The following EHBP1 variants were observed in gnomAD, a reference collection of about 807,000 sequenced individuals.
EHBP1 encodes EH domain binding protein 1, also known as EH domain-binding protein 1.
A neutral mutation model predicts 144.0 loss-of-function variants in EHBP1; 55 were observed. The observed-to-expected ratio is 0.38, with a 90% CI of 0.31 to 0.48. EHBP1 has a LOEUF of 0.48. EHBP1 is among the 20% of genes least tolerant of loss of function. The pLI is 0.98. For synonymous variants in EHBP1, 469 were observed against 472.7 expected (o/e 0.99, Z 0.10); for missense variants, 1,200 against 1,364.2 (o/e 0.88, Z 1.90).
At chr2:62,681,221 G>A (rs369594411) in intron 1 of EHBP1, among the ~76,000 whole-genome samples, 4 of 150,248 alleles carry the variant, frequency 2.7e-5, no homozygotes, top group Admixed American at 6.6e-5. Context: ...CAGGAGAATC[G>A]CTTGAACCTG....
chr2:62,940,106 G>T, intron 10 of EHBP1: 1 of 428,420 alleles, frequency 2.3e-6, no homozygotes, highest in South Asian at 1.8e-5. Flanking sequence ...TGCCTACCAA[G>T]ACTTTGAGAA....
intron 5 of EHBP1, among the ~76,000 whole-genome samples, chr2:62,788,575 T>C (rs1488604229): frequency 3.3e-5 from 5 of 152,200 alleles, no homozygotes; most frequent in Non-Finnish European, 7.4e-5. Context: ...TTTAACTATA[T>C]ATTTTTCCTT....
At chr2:62,931,242 C>G (rs1303522079) in intron 10 of EHBP1, among the ~76,000 whole-genome samples, 3 of 152,170 alleles carry the variant, frequency 2.0e-5, no homozygotes, top group African/African-American at 7.2e-5. Flanking sequence ...CCAAAGAACA[C>G]ATACAGATAG....
intron 14 of EHBP1, among the ~76,000 whole-genome samples, chr2:62,958,180 C>T (rs1413350963): frequency 6.6e-6 from 1 of 152,114 alleles, no homozygotes; most frequent in Non-Finnish European, 1.5e-5. Flanking sequence ...GCTAAACATA[C>T]ACTTACATGA....
At position 62,677,776 on chromosome 2, in the gene EHBP1, T is replaced by C. The variant is rs1310305546; in HGVS notation, c.-296+3693T>C. ...TCCTGGCTTATTTCATTTAACATAA[T>C]GACCTCCAGTTCCAACCATGTTGTT... On this transcript the variant is annotated intron_variant, in intron 1 of 22. Transcript: ENST00000405015. 3.3e-5 allele frequency among the ~76,000 whole-genome samples: 5 copies of C among 152,228 alleles called. No homozygotes were observed. The East Asian group carries it at 9.6e-4, about 29-fold the overall frequency.
At chr2:62,826,879 C>T (rs781484550) in intron 6 of EHBP1, among the ~76,000 whole-genome samples, 2 of 151,850 alleles carry the variant, frequency 1.3e-5, no homozygotes, top group Admixed American at 6.6e-5. Flanking sequence ...ACCTACAAAG[C>T]GGGGAAAAAA....
chr2:62,992,798 G>C (rs2059465653), intron 16 of EHBP1, among the ~76,000 whole-genome samples: 1 of 152,178 alleles, frequency 6.6e-6, no homozygotes, highest in Non-Finnish European at 1.5e-5. Context: ...TTGATAACCA[G>C]TTTCAGCATT....
intron 9 of EHBP1, among the ~76,000 whole-genome samples, chr2:62,874,007 A>G (rs1175235975): frequency 6.6e-6 from 1 of 152,130 alleles, no homozygotes; most frequent in African/African-American, 2.4e-5. Context: ...TCAAATTGAC[A>G]TTTTTTACAT....
chr2:62,930,351 A>G (rs2055885843), intron 10 of EHBP1, among the ~76,000 whole-genome samples: 2 of 152,356 alleles, frequency 1.3e-5, no homozygotes, highest in Admixed American at 6.5e-5. Flanking sequence ...ACTGAAAACT[A>G]TAAAACATTT....
chr2:62,719,858 A>G (rs2036048085), intron 2 of EHBP1, among the ~76,000 whole-genome samples: 1 of 152,240 alleles, frequency 6.6e-6, no homozygotes, highest in Non-Finnish European at 1.5e-5. Context: ...TGGTATCCTC[A>G]GGAGGTCCTG....
rs1410880838 is a variant in EHBP1, at chr2:63,031,481, T to C, written c.3104-6054T>C. On this transcript the variant is annotated intron_variant, in intron 19 of 22. Transcript: ENST00000431489. ...TGTACCTTAAAAAATAAATACAGCT[T>C]TGGAGTTCTGAGTGTTTTAACTTTA... 2.0e-5 allele frequency among the ~76,000 whole-genome samples: 3 copies of C among 152,222 alleles called. No homozygotes were observed. In the East Asian group the frequency reaches 5.8e-4, roughly 29 times the overall value.
chr2:62,835,906 G>C (rs1324928612), intron 7 of EHBP1, among the ~76,000 whole-genome samples: 1 of 152,142 alleles, frequency 6.6e-6, no homozygotes, highest in African/African-American at 2.4e-5. Context: ...GTGGCAGCGA[G>C]GCTGGGGGAG....
intron 14 of EHBP1, among the ~76,000 whole-genome samples, chr2:62,959,151 A>G (rs571371703): frequency 6.6e-6 from 1 of 152,318 alleles, no homozygotes; most frequent in Admixed American, 6.5e-5. Context: ...TAACTGGCTT[A>G]TTTCACTTAG....
At chr2:62,730,648 CAG>C (rs1196368295) in intron 2 of EHBP1, among the ~76,000 whole-genome samples, 4 of 148,920 alleles carry the variant, frequency 2.7e-5, no homozygotes, top group East Asian at 4.0e-4. Flanking sequence ...GAGACAGAGA[CAG>C]AGAGAGATAG....
chr2:62,785,562 A>G (rs541681780), intron 5 of EHBP1, among the ~76,000 whole-genome samples: 147 of 152,312 alleles, frequency 9.7e-4, no homozygotes, highest in Non-Finnish European at 1.8e-3. Context: ...AGAGAACACA[A>G]AGGAAGAATT....
At chr2:62,688,993 T>A (rs1319306928) in intron 1 of EHBP1, among the ~76,000 whole-genome samples, 1 of 152,192 alleles carries the variant, frequency 6.6e-6, no homozygotes, top group Non-Finnish European at 1.5e-5. Context: ...AAACCCCAAG[T>A]AAGAATGTGT....
intron 5 of EHBP1, among the ~76,000 whole-genome samples, chr2:62,807,898 A>G (rs1355111460): frequency 6.6e-6 from 1 of 152,062 alleles, no homozygotes; most frequent in Non-Finnish European, 1.5e-5. Flanking sequence ...TTCTCTATAG[A>G]TAAGGTGTTT....
At chr2:63,041,253 G>C (rs1335635803) in intron 21 of EHBP1, among the ~76,000 whole-genome samples, 1 of 152,108 alleles carries the variant, frequency 6.6e-6, no homozygotes, top group Non-Finnish European at 1.5e-5. Context: ...TTTCATAGCA[G>C]GAGTTTCATT....
At chr2:62,962,307 C>T (rs912824702) in intron 14 of EHBP1, among the ~76,000 whole-genome samples, 16 of 152,198 alleles carry the variant, frequency 1.1e-4, no homozygotes, top group East Asian at 7.7e-4. Flanking sequence ...CCCTGGGCAA[C>T]GGACTCCATC....
Sources: allele counts gnomAD v4.1 joint callset (sites outside exome capture counted in the v4.1 genomes callset), GRCh38; gene constraint gnomAD v4.1.1; transcripts MANE v1.5; gene names NCBI Gene and HGNC (gene_info 2026-07-23, HGNC 2026-07-21).